DOCK4: variants seen among roughly 807,000 people sequenced by gnomAD.
DOCK4 encodes dedicator of cytokinesis protein 4.
In DOCK4, 97 loss-of-function variants were observed where a neutral mutation model predicts 268.1. The observed-to-expected ratio is 0.36, with a 90% CI of 0.31 to 0.43. The LOEUF is 0.43. Ranked by LOEUF, DOCK4 falls within the 20% of genes least tolerant of loss-of-function variation. DOCK4 has a pLI of 1.00. For missense variants in DOCK4, 2,145 were observed against 2,455.7 expected (o/e 0.87, Z 2.67); for synonymous variants, 954 against 887.2 (o/e 1.08, Z -1.34).
At chr7:111,803,965 T>C (rs1425398486) in intron 30 of DOCK4, among the ~76,000 whole-genome samples, 1 of 152,000 alleles carries the variant, frequency 6.6e-6, no homozygotes, top group Admixed American at 6.6e-5. Flanking sequence ...GGAGAGAAAA[T>C]GGAGAAACTA....
intron 1 of DOCK4, among the ~76,000 whole-genome samples, chr7:112,050,232 T>C (rs1586720312): frequency 6.6e-6 from 1 of 152,152 alleles, no homozygotes. Flanking sequence ...TTTAAAATAC[T>C]GGTCATCTTT....
At chr7:111,828,245 C>A (rs1802549562) in intron 26 of DOCK4, among the ~76,000 whole-genome samples, 1 of 152,118 alleles carries the variant, frequency 6.6e-6, no homozygotes, top group Non-Finnish European at 1.5e-5. Flanking sequence ...GGTCTTTGCT[C>A]CCACATACTT....
chr7:111,927,589 T>C (rs935730234), intron 12 of DOCK4, among the ~76,000 whole-genome samples: 2 of 152,200 alleles, frequency 1.3e-5, no homozygotes, highest in Non-Finnish European at 2.9e-5. Context: ...ATTTAGTGTA[T>C]CAACATTTCA....
At chr7:112,045,004 C>T (rs1458914423) in intron 1 of DOCK4, among the ~76,000 whole-genome samples, 1 of 152,176 alleles carries the variant, frequency 6.6e-6, no homozygotes, top group Non-Finnish European at 1.5e-5. Context: ...TACTCAGATT[C>T]TCACTCAGAA....
At chr7:111,877,259 T>C (rs1806975811) in intron 16 of DOCK4, 73 bp from the exon 17 acceptor site, 4 of 1,173,220 alleles carry the variant, frequency 3.4e-6, no homozygotes, top group Non-Finnish European at 3.3e-6. Context: ...ATAATTTATA[T>C]TACTAGTGTT....
intron 1 of DOCK4, among the ~76,000 whole-genome samples, chr7:112,144,608 A>G (rs1479983488): frequency 6.6e-6 from 1 of 152,220 alleles, no homozygotes; most frequent in Admixed American, 6.5e-5. Flanking sequence ...CAGGTCATCA[A>G]GGACCCAGGG....
In DOCK4 at chr7:112,206,132, T is replaced by A. The variant is rs1821387716; in HGVS notation, c.7A>T (p.Ile3Leu). The change falls in exon 1 of 53, where the codon ATA becomes TTA. Residue 3 changes from isoleucine to leucine, a missense_variant. Around this residue, in one of 2 missense-constraint regions of DOCK4, gnomAD observed 1,598 missense variants for 1,986.7 expected, o/e 0.80. Transcript: ENST00000428084. Reference sequence around the variant, plus strand: ...CCGTATTTCTCGTGCTCCGTAGGTATCCACATGGCTAAAGGGGCTCCGGGG... The same window carrying A: ...CCGTATTTCTCGTGCTCCGTAGGTAACCACATGGCTAAAGGGGCTCCGGGG... MW[I>L]PTEHEKYGVV... 6.3e-7 allele frequency: 1 copy of A among 1,585,118 alleles called. No homozygotes were observed. Among genetic ancestry groups the A allele is most frequent in the Non-Finnish European group, 8.6e-7 (1 of 1,165,402 alleles).
intron 1 of DOCK4, among the ~76,000 whole-genome samples, chr7:112,022,571 G>C (rs1401244256): frequency 6.6e-6 from 1 of 152,184 alleles, no homozygotes; most frequent in African/African-American, 2.4e-5. Flanking sequence ...TAACCGTGCT[G>C]TGCTTCAGTT....
chr7:111,957,262 A>T (rs923210053), intron 8 of DOCK4, among the ~76,000 whole-genome samples: 1 of 152,220 alleles, frequency 6.6e-6, no homozygotes, highest in African/African-American at 2.4e-5. Flanking sequence ...AAACTGGTGA[A>T]ATAAGGAAAT....
chr7:111,935,464 C>T (rs750100916), intron 12 of DOCK4, 76 bp downstream of exon 12: 3 of 1,297,344 alleles, frequency 2.3e-6, no homozygotes, highest in Non-Finnish European at 3.4e-6. Context: ...CTGATAATTT[C>T]CTTCCCAAAC....
intron 1 of DOCK4, among the ~76,000 whole-genome samples, chr7:112,201,564 A>C (rs1192780918): frequency 6.6e-6 from 1 of 152,132 alleles, no homozygotes; most frequent in Non-Finnish European, 1.5e-5. Context: ...GAATCTGTGC[A>C]TAAAAGCCTG....
At chr7:111,786,826 T>A (rs1799204735) in intron 32 of DOCK4, among the ~76,000 whole-genome samples, 1 of 152,220 alleles carries the variant, frequency 6.6e-6, no homozygotes, top group African/African-American at 2.4e-5. Flanking sequence ...TTTCCTGAAA[T>A]AAAGTAATAT....
Position 111,916,980 on chromosome 7 carries a change from G to GTTTTTTTTTTTT in DOCK4, c.1067-1088_1067-1077dup, listed in dbSNP as rs749349556. Among the ~76,000 whole-genome samples, 9 of 83,976 alleles carry GTTTTTTTTTTTT rather than the reference G, an allele frequency of 1.1e-4. 1 individual carries two copies. In the East Asian group the frequency reaches 1.4e-3, roughly 13 times the overall value. The allele number at this position is 83,976 out of a possible 152,430, so 55.1% of individuals were successfully genotyped here. On this transcript the variant is annotated intron_variant, in intron 12 of 52. Coordinates refer to ENST00000428084, the MANE Select transcript of DOCK4 (RefSeq NM_001363540.2). ...ACCCACCTCCCACCCTTTCCCCCAT[G>GTTTTTTTTTTTT]TTTTTTTTTTTTTTTTTTTTTTTTT...
intron 16 of DOCK4, among the ~76,000 whole-genome samples, chr7:111,886,266 G>C (rs958215029): frequency 6.6e-6 from 1 of 152,146 alleles, no homozygotes. Flanking sequence ...ATAGTTTTTG[G>C]AGGAAAATAC....
intron 1 of DOCK4, among the ~76,000 whole-genome samples, chr7:112,195,933 G>A (rs1820382854): frequency 6.6e-6 from 1 of 152,114 alleles, no homozygotes; most frequent in Non-Finnish European, 1.5e-5. Flanking sequence ...GGCACAAATG[G>A]GGGAGGAGAA....
At chr7:111,905,723 C>T (rs923577091) in intron 13 of DOCK4, among the ~76,000 whole-genome samples, 14 of 146,354 alleles carry the variant, frequency 9.6e-5, no homozygotes, top group South Asian at 6.4e-4. Flanking sequence ...ACGTGTATTG[C>T]GTATACACAC....
intron 44 of DOCK4, among the ~76,000 whole-genome samples, chr7:111,742,711 T>C (rs1438630766): frequency 2.6e-5 from 4 of 152,182 alleles, no homozygotes; most frequent in African/African-American, 9.6e-5. Context: ...AGATTATTCC[T>C]GGCCAGGCGC....
chr7:111,935,502 G>A (rs1399775472), intron 12 of DOCK4, 38 bp downstream of exon 12: 30 of 1,588,100 alleles, frequency 1.9e-5, no homozygotes, highest in Admixed American at 1.8e-4. Flanking sequence ...GGCTTGGAAC[G>A]AAAAGTGTAG....
intron 1 of DOCK4, among the ~76,000 whole-genome samples, chr7:112,115,652 C>CCATCCAT (rs58821451): frequency 0.1 from 15,516 of 149,936 alleles, 978 homozygotes; most frequent in East Asian, 0.22. Flanking sequence ...CATCCATCCA[C>CCATCCAT]CCATCCATCC....
Sources: allele counts gnomAD v4.1 joint callset (sites outside exome capture counted in the v4.1 genomes callset), GRCh38; gene constraint gnomAD v4.1.1; regional missense constraint gnomAD v4.1.1; transcripts MANE v1.5; gene names NCBI Gene and HGNC (gene_info 2026-07-23, HGNC 2026-07-21).